The following BDP1 variants were observed in gnomAD, a reference collection of about 807,000 sequenced individuals.
BDP1 encodes the protein BDP1 general transcription factor IIIB subunit.
Under a neutral mutation model 266.6 loss-of-function variants are expected in BDP1, and 169 were observed. The observed-to-expected ratio is 0.63, with a 90% CI of 0.56 to 0.72. BDP1 has a LOEUF of 0.72. Ranked by LOEUF, BDP1 falls within the 30% of genes least tolerant of loss-of-function variation. The pLI is 0.00. For synonymous variants in BDP1, 1,090 were observed against 1,022.4 expected, an observed-to-expected ratio of 1.07 and a Z score of -1.26; for missense variants, 3,015 against 3,053.8, an observed-to-expected ratio of 0.99 and a Z score of 0.30.
chr5:71,505,229 A>G (rs900077345), intron 16 of BDP1, among the ~76,000 whole-genome samples: 3 of 151,582 alleles, frequency 2.0e-5, no homozygotes, highest in Admixed American at 6.6e-5. Context: ...CTGGTCTCGA[A>G]CTCCTGACCT....
At chr5:71,502,560 T>C in intron 14 of BDP1, 39 bp from the exon 15 acceptor site, 1 of 1,518,828 alleles carries the variant, frequency 6.6e-7, no homozygotes, top group Non-Finnish European at 8.9e-7. Flanking sequence ...AATTGGTGAC[T>C]TCAAAATAAA....
intron 21 of BDP1, 95 bp from the exon 22 acceptor site, chr5:71,517,227 G>A (rs1765268914): frequency 2.8e-6 from 3 of 1,058,136 alleles, no homozygotes; most frequent in Non-Finnish European, 1.3e-6. Flanking sequence ...AAAAGAAAAG[G>A]GATTTTAAAA....
chr5:71,466,997 T>G (rs1252948609), intron 5 of BDP1, among the ~76,000 whole-genome samples: 11 of 152,214 alleles, frequency 7.2e-5, no homozygotes, highest in African/African-American at 2.7e-4. Flanking sequence ...TATAAAGTGC[T>G]TGTGTTTTTC....
the BDP1 span, among the ~76,000 whole-genome samples, chr5:71,575,676 A>G: frequency 6.6e-6 from 1 of 152,194 alleles, no homozygotes; most frequent in Non-Finnish European, 1.5e-5. Context: ...TGAGAAGGAT[A>G]AGCCTCAATT....
chr5:71,538,725 T>C (rs1766785172), intron 26 of BDP1, among the ~76,000 whole-genome samples: 1 of 152,172 alleles, frequency 6.6e-6, no homozygotes, highest in Non-Finnish European at 1.5e-5. Flanking sequence ...GCAGCAGATA[T>C]GACTAGAGTT....
In BDP1 at chr5:71,486,510, T is replaced by G; in HGVS notation, c.1096T>G (p.Phe366Val). Residue 366 changes from phenylalanine (F) to valine (V), a missense_variant, in exon 9 of 39, where the codon TTT becomes GTT. Physicochemically the swap from Phe to Val is conservative, Grantham distance 50 (BLOSUM62 -1). Transcript: ENST00000358731. Reference sequence around the variant, plus strand: ...GGAAAAGCGCCCTTTTGACTTCGATTTTTTTGCTCATTTGCTTCAGAAAGT... The same window carrying G: ...GGAAAAGCGCCCTTTTGACTTCGATGTTTTTGCTCATTTGCTTCAGAAAGT... ...FQEKRPFDFDFFAHLLQKVLA... is the reference protein window; with the variant it reads ...FQEKRPFDFDVFAHLLQKVLA... The G allele has an allele frequency of 6.5e-7, 1 of 1,538,284 alleles. No homozygotes were observed.
chr5:71,548,631 A>T, intron 32 of BDP1, 51 bp from the exon 33 acceptor site: 3 of 1,148,818 alleles, frequency 2.6e-6, no homozygotes, highest in South Asian at 1.3e-5. Context: ...ATAACTTTTT[A>T]AATGTAAGAT....
At chr5:71,468,849 C>T (rs1001573732) in intron 6 of BDP1, among the ~76,000 whole-genome samples, 47 of 150,606 alleles carry the variant, frequency 3.1e-4, no homozygotes, top group Non-Finnish European at 1.8e-4. Context: ...TCAGGTGATC[C>T]GCCTGCCTCA....
At chr5:71,545,783 C>CGT (rs1742259104) in intron 32 of BDP1, among the ~76,000 whole-genome samples, 10 of 151,412 alleles carry the variant, frequency 6.6e-5, no homozygotes, top group Admixed American at 6.6e-4. Flanking sequence ...GGGAGAGGAA[C>CGT]GTGTGTGTAA....
At chr5:71,457,307 GTT>G (rs780891505) in intron 1 of BDP1, among the ~76,000 whole-genome samples, 3 of 126,042 alleles carry the variant, frequency 2.4e-5, no homozygotes, top group African/African-American at 5.8e-5. Context: ...TGGGAAAGTG[GTT>G]TTTTTTTTTT....
At chr5:71,461,179 CATTT>C (rs1163545539) in intron 2 of BDP1, among the ~76,000 whole-genome samples, 1 of 152,000 alleles carries the variant, frequency 6.6e-6, no homozygotes, top group East Asian at 1.9e-4. Flanking sequence ...GATAGGGTCT[CATTT>C]ATGTTGCCCA....
chr5:71,560,264 GT>G, intron 37 of BDP1, 27 bp downstream of exon 37: 1 of 1,606,410 alleles, frequency 6.2e-7, no homozygotes, highest in Non-Finnish European at 8.5e-7. Flanking sequence ...TTTAATAAGT[GT>G]TTTGCTCTCT....
intron 6 of BDP1, among the ~76,000 whole-genome samples, chr5:71,469,530 T>G (rs1352961216): frequency 1.3e-5 from 2 of 152,206 alleles, no homozygotes; most frequent in African/African-American, 4.8e-5. Flanking sequence ...GTATGACTCA[T>G]AGCTTTCTTC....
At chr5:71,537,149 C>CAAAAAAAAAAA (rs70992979) in intron 26 of BDP1, among the ~76,000 whole-genome samples, 26 of 82,406 alleles carry the variant, frequency 3.2e-4, no homozygotes, top group East Asian at 4.2e-4. Context: ...ACCAAAAAAC[C>CAAAAAAAAAAA]AAAAAAAAAA....
chr5:71,570,384 C>T (rs185038790), downstream of BDP1, among the ~76,000 whole-genome samples: 18 of 152,296 alleles, frequency 1.2e-4, no homozygotes, highest in Non-Finnish European at 2.9e-5. Context: ...TCAGAGGCTC[C>T]CATCTGCCCC....
At chr5:71,561,906 A>G (rs1490498178) in intron 37 of BDP1, among the ~76,000 whole-genome samples, 2 of 152,126 alleles carry the variant, frequency 1.3e-5, no homozygotes, top group African/African-American at 4.8e-5. Context: ...TCCTGGCCTT[A>G]AGTGGTCTTC....
At position 71,565,181 on chromosome 5, in the gene BDP1, C is replaced by G. The variant is rs1216704152; in HGVS notation, c.*296C>G. ...TCTTCCTGTGCTAAGCACACATGGA[C>G]ATTTGGGAATGTTGTGGATATATGT... On this transcript the variant is annotated 3_prime_UTR_variant, in exon 39 of 39. Coordinates refer to ENST00000358731, the MANE Select transcript of BDP1 (RefSeq NM_018429.3). The G allele has an allele frequency of 4.0e-6, 1 of 250,880 alleles. No homozygotes were observed. The highest frequency in any genetic ancestry group is 7.5e-6 in the Non-Finnish European group (1 of 132,456). The allele number at this position is 250,880 out of a possible 1,614,324, so 15.5% of individuals were successfully genotyped here.
At chr5:71,468,932 T>G (rs1762073232) in intron 6 of BDP1, among the ~76,000 whole-genome samples, 1 of 152,150 alleles carries the variant, frequency 6.6e-6, no homozygotes, top group African/African-American at 2.4e-5. Flanking sequence ...CTAATGCGAA[T>G]AATGTTCTAC....
intron 8 of BDP1, among the ~76,000 whole-genome samples, chr5:71,485,449 G>A (rs1763208915): frequency 6.6e-6 from 1 of 152,268 alleles, no homozygotes; most frequent in African/African-American, 2.4e-5. Context: ...GAATCATTGT[G>A]GAGAGTCAGA....
Sources: gnomAD v4.1 joint callset for allele counts (sites outside exome capture counted in the v4.1 genomes callset) on GRCh38, gnomAD v4.1.1 for gene constraint, MANE v1.5 for transcripts, NCBI Gene and HGNC (gene_info 2026-07-23, HGNC 2026-07-21) for gene names.